The following DCP2 variants were observed in gnomAD, a reference collection of about 807,000 sequenced individuals.
DCP2 encodes m7GpppN-mRNA hydrolase.
Under a neutral mutation model 56.1 loss-of-function variants are expected in DCP2, and 30 were observed. That is an observed-to-expected ratio of 0.53 (90% CI 0.40 to 0.73). The LOEUF is 0.73. Among genes scored for constraint, DCP2 ranks in the 30% least tolerant of loss-of-function variants. The probability of loss-of-function intolerance (pLI) is 0.00; values close to 1 mark genes in which losing one functional copy is unlikely to be tolerated. For synonymous variants in DCP2, 197 were observed against 163.3 expected, an observed-to-expected ratio of 1.21 and a Z score of -1.57; for missense variants, 533 against 502.7, an observed-to-expected ratio of 1.06 and a Z score of -0.58.
At chr5:112,997,211 A>G (rs190321300) in intron 4 of DCP2, among the ~76,000 whole-genome samples, 23 of 152,346 alleles carry the variant, frequency 1.5e-4, no homozygotes, top group Non-Finnish European at 3.4e-4. Context: ...GTTGGGGCCT[A>G]GTGTGGGAAT....
At position 113,000,976 on chromosome 5, in the gene DCP2, A is replaced by G; in HGVS notation, c.433-108A>G. ...AGCCTGTCATTTCTAGAAATAGTAA[A>G]TACAAGTCATGTCCCCTTTTTCTGA... On this transcript the variant is annotated intron_variant, in intron 4 of 10. Transcript: ENST00000389063. 2.7e-6 allele frequency: 3 copies of G among 1,101,642 alleles called. No homozygotes were observed. The East Asian group carries it at 7.7e-5, about 28-fold the overall frequency. 68.2% of individuals were successfully genotyped at this position (1,101,642 alleles called of 1,614,324 possible).
chr5:113,010,652 C>T, intron 9 of DCP2, 104 bp from the exon 10 acceptor site: 1 of 1,257,916 alleles, frequency 7.9e-7, no homozygotes, highest in Middle Eastern at 2.7e-4. Context: ...TTCAGTTTTT[C>T]TTCCTGAGAA....
intron 4 of DCP2, among the ~76,000 whole-genome samples, chr5:112,997,199 C>G (rs1020159157): frequency 2.6e-5 from 4 of 152,152 alleles, no homozygotes; most frequent in Non-Finnish European, 5.9e-5. Flanking sequence ...TTGTTTAGGT[C>G]TGTTGGGGCC....
At chr5:113,012,402 G>GGC (rs1379834642) in intron 10 of DCP2, among the ~76,000 whole-genome samples, 2 of 152,098 alleles carry the variant, frequency 1.3e-5, no homozygotes, top group Admixed American at 1.3e-4. Context: ...ATCTTAGTTG[G>GGC]GCATTATATG....
At chr5:112,978,165 C>T (rs973202014) in intron 1 of DCP2, among the ~76,000 whole-genome samples, 1 of 151,994 alleles carries the variant, frequency 6.6e-6, no homozygotes, top group African/African-American at 2.4e-5. Flanking sequence ...TTAGTAGAGA[C>T]GGGATTTCAC....
intron 1 of DCP2, among the ~76,000 whole-genome samples, chr5:112,979,981 G>A (rs939767736): frequency 6.6e-6 from 1 of 152,136 alleles, no homozygotes; most frequent in Non-Finnish European, 1.5e-5. Flanking sequence ...TTTCTGAGTG[G>A]AGTAGAATTA....
At chr5:113,007,900 G>A (rs1417619041) in intron 8 of DCP2, 38 bp from the exon 9 acceptor site, 1 of 1,565,314 alleles carries the variant, frequency 6.4e-7, no homozygotes, top group Non-Finnish European at 8.8e-7. Context: ...ATTACATTAT[G>A]CTATAGATTC....
chr5:113,002,729 C>T (rs1484042177), intron 7 of DCP2, among the ~76,000 whole-genome samples: 6 of 152,186 alleles, frequency 3.9e-5, no homozygotes, highest in South Asian at 4.2e-4. Context: ...CCCTATGCTG[C>T]CCAGGCTGCT....
Position 113,018,719 on chromosome 5 carries a change from A to G in DCP2, c.*5235A>G, listed in dbSNP as rs982737835. 6.6e-6 allele frequency: 1 copy of G among 151,084 alleles called. No homozygotes were observed. The highest frequency in any genetic ancestry group is 2.1e-4 in the South Asian group (1 of 4,666). The allele number at this position is 151,084 out of a possible 1,614,324, so 9.4% of individuals were successfully genotyped here. A position where few individuals can be genotyped will look rare whatever the true frequency, so the allele number is the denominator to read the frequency against. ...CCATTTGAAGACCTGTTGTTTCTTA[A>G]TCCTTTTTCTTGGTGTGACTGGCCA... On this transcript the variant is annotated 3_prime_UTR_variant, in exon 11 of 11. Coordinates refer to ENST00000389063, the MANE Select transcript of DCP2 (RefSeq NM_152624.6).
intron 1 of DCP2, among the ~76,000 whole-genome samples, chr5:112,978,395 A>T (rs1406537062): frequency 2.0e-5 from 3 of 152,226 alleles, no homozygotes; most frequent in African/African-American, 7.2e-5. Flanking sequence ...AAACAGATTC[A>T]GGAACTTTGT....
At chr5:112,991,356 A>AT (rs1748579045) in intron 2 of DCP2, among the ~76,000 whole-genome samples, 1 of 152,262 alleles carries the variant, frequency 6.6e-6, no homozygotes, top group Non-Finnish European at 1.5e-5. Context: ...ATTCGATAGC[A>AT]TGGAGTGTTG....
At position 113,008,056 on chromosome 5, in the gene DCP2, C is replaced by A; in HGVS notation, c.1047+14C>A. 1 of 1,602,648 alleles carries A rather than the reference C, an allele frequency of 6.2e-7. No homozygotes were observed. Among genetic ancestry groups the A allele is most frequent in the Non-Finnish European group, 8.5e-7 (1 of 1,170,414 alleles). ...AATTCTTTGATGGTAAGAGTTATAGCTGTCACACTAAGTAGGCAGTTCATC... is the reference window on the plus strand; with the variant it reads ...AATTCTTTGATGGTAAGAGTTATAGATGTCACACTAAGTAGGCAGTTCATC... On this transcript the variant is annotated intron_variant, in intron 9 of 10. Coordinates refer to ENST00000389063, the MANE Select transcript of DCP2 (RefSeq NM_152624.6).
intron 4 of DCP2, among the ~76,000 whole-genome samples, chr5:112,998,206 G>A (rs1264642277): frequency 3.3e-5 from 5 of 152,148 alleles, no homozygotes; most frequent in Non-Finnish European, 5.9e-5. Flanking sequence ...CTCTTTTAGT[G>A]CTGGTGGCCC....
chr5:113,008,243 C>A, intron 9 of DCP2: 1 of 437,848 alleles, frequency 2.3e-6, no homozygotes, highest in Non-Finnish European at 4.1e-6. Context: ...AATGTTGATG[C>A]AATTGTACAT....
chr5:112,986,716 TTGG>T (rs1366979901), intron 2 of DCP2, among the ~76,000 whole-genome samples: 3 of 152,152 alleles, frequency 2.0e-5, no homozygotes, highest in Non-Finnish European at 4.4e-5. Flanking sequence ...AAAGAAGCCC[TTGG>T]TGGGTGCAGT....
At chr5:112,990,454 C>T (rs933708802) in intron 2 of DCP2, among the ~76,000 whole-genome samples, 3 of 152,102 alleles carry the variant, frequency 2.0e-5, no homozygotes, top group Admixed American at 1.3e-4. Context: ...ACATGTAAAG[C>T]CAGAATTTTA....
At chr5:113,007,102 G>T (rs1007675044) in intron 8 of DCP2, among the ~76,000 whole-genome samples, 2 of 151,912 alleles carry the variant, frequency 1.3e-5, no homozygotes, top group Non-Finnish European at 2.9e-5. Context: ...CTGTGCTCCG[G>T]CCTGGGCAAC....
intron 4 of DCP2, among the ~76,000 whole-genome samples, chr5:112,998,109 G>A (rs1237125362): frequency 2.0e-5 from 3 of 152,032 alleles, no homozygotes; most frequent in Non-Finnish European, 4.4e-5. Flanking sequence ...ACTTTTTCCT[G>A]GCAAATATTT....
At chr5:112,992,631 A>G in intron 3 of DCP2, 41 bp from the exon 4 acceptor site, 3 of 1,413,326 alleles carry the variant, frequency 2.1e-6, no homozygotes, top group Non-Finnish European at 2.9e-6. Flanking sequence ...GAGCATGGAA[A>G]AGGAGGGCAA....
Sources: gnomAD v4.1 joint callset for allele counts (sites outside exome capture counted in the v4.1 genomes callset) on GRCh38, gnomAD v4.1.1 for gene constraint, MANE v1.5 for transcripts, NCBI Gene and HGNC (gene_info 2026-07-23, HGNC 2026-07-21) for gene names.